The following SOBP variants were observed in gnomAD, a reference collection of about 807,000 sequenced individuals.
SOBP encodes sine oculis binding protein homolog.
SOBP carries 4 observed loss-of-function variants against 53.6 expected under a neutral mutation model. That is an observed-to-expected ratio of 0.07 (90% confidence interval 0.04 to 0.17). The LOEUF (loss-of-function observed/expected upper bound fraction) is 0.17, where lower values mean the gene tolerates loss of function less well. Among genes scored for constraint, SOBP ranks in the 10% least tolerant of loss-of-function variants. SOBP has a pLI of 1.00. For missense variants in SOBP, 1,088 were observed against 1,204.7 expected, an observed-to-expected ratio of 0.90 and a Z score of 1.43; for synonymous variants, 584 against 522.6, an observed-to-expected ratio of 1.12 and a Z score of -1.60.
chr6:107,598,402 G>A lies in SOBP; in HGVS notation c.669+11227G>A, dbSNP rs549419561. Among the ~76,000 whole-genome samples the A allele has an allele frequency of 6.6e-5, 10 of 152,284 alleles. 1 individual carries two copies. In the South Asian group the frequency reaches 8.3e-4, roughly 13 times the overall value. On this transcript the variant is annotated intron_variant, in intron 5 of 6. Transcript: ENST00000317357. ...GGTTGGGCTTGCCCTTGGAGGGTGC[G>A]TAGCGATGGAAGGGCATCCCAGAGA... is the stretch of plus-strand genomic sequence containing the variant.
At chr6:107,628,805 C>A (rs1399629416) in intron 5 of SOBP, among the ~76,000 whole-genome samples, 2 of 152,178 alleles carry the variant, frequency 1.3e-5, no homozygotes, top group East Asian at 3.8e-4. Context: ...AGTGTCTAGA[C>A]CCAAAGGAAC....
At chr6:107,551,992 G>C (rs966644134) in intron 4 of SOBP, among the ~76,000 whole-genome samples, 5 of 152,148 alleles carry the variant, frequency 3.3e-5, no homozygotes, top group Admixed American at 6.5e-5. Flanking sequence ...CTGCACTCCA[G>C]CCTGGGCATC....
intron 5 of SOBP, among the ~76,000 whole-genome samples, chr6:107,613,544 G>C (rs1291250686): frequency 1.3e-5 from 2 of 152,238 alleles, no homozygotes; most frequent in African/African-American, 4.8e-5. Flanking sequence ...TCTGTTTTCT[G>C]AGAATTATAG....
At chr6:107,604,871 C>T (rs1014322262) in intron 5 of SOBP, among the ~76,000 whole-genome samples, 1 of 152,282 alleles carries the variant, frequency 6.6e-6, no homozygotes, top group Admixed American at 6.5e-5. Context: ...CAGCAAGTTT[C>T]GCTGAAGATT....
intron 5 of SOBP, among the ~76,000 whole-genome samples, chr6:107,603,001 T>G (rs1168061989): frequency 6.6e-6 from 1 of 151,912 alleles, no homozygotes; most frequent in African/African-American, 2.4e-5. Flanking sequence ...TTCCATTATC[T>G]GTTTACTGAG....
At chr6:107,621,854 C>T (rs1770195392) in intron 5 of SOBP, among the ~76,000 whole-genome samples, 1 of 152,296 alleles carries the variant, frequency 6.6e-6, no homozygotes, top group Non-Finnish European at 1.5e-5. Flanking sequence ...CTCCACAAAC[C>T]ATTAGAAGCA....
intron 3 of SOBP, among the ~76,000 whole-genome samples, chr6:107,507,681 C>A (rs1783037725): frequency 6.6e-6 from 1 of 152,082 alleles, no homozygotes; most frequent in Admixed American, 6.6e-5. Flanking sequence ...CAAGACAATT[C>A]TTCTTCCAAT....
chr6:107,592,650 T>G (rs1320707362), intron 5 of SOBP, among the ~76,000 whole-genome samples: 1 of 152,184 alleles, frequency 6.6e-6, no homozygotes, highest in Non-Finnish European at 1.5e-5. Flanking sequence ...CAAAACATCA[T>G]ATGATGTATG....
At chr6:107,638,069 T>G (rs1203884943) in intron 6 of SOBP, among the ~76,000 whole-genome samples, 1 of 152,270 alleles carries the variant, frequency 6.6e-6, no homozygotes, top group East Asian at 1.9e-4. Context: ...TGATTTAAGA[T>G]GGGGGAAAAA....
intron 4 of SOBP, among the ~76,000 whole-genome samples, chr6:107,544,714 A>G (rs182843343): frequency 1.3e-5 from 2 of 152,340 alleles, no homozygotes; most frequent in Admixed American, 1.3e-4. Context: ...CATGTTCTTT[A>G]TGAAGGAATG....
At chr6:107,628,615 A>C (rs752063182) in intron 5 of SOBP, among the ~76,000 whole-genome samples, 1 of 152,200 alleles carries the variant, frequency 6.6e-6, no homozygotes. Context: ...GCACACAATC[A>C]TTAGACTGTT....
intron 5 of SOBP, among the ~76,000 whole-genome samples, chr6:107,610,834 C>T (rs1388361459): frequency 6.6e-6 from 1 of 151,782 alleles, no homozygotes; most frequent in Non-Finnish European, 1.5e-5. Flanking sequence ...ATACACACAC[C>T]ATGGACTTAA....
At chr6:107,656,313 A>AGAAAGAC (rs1562130986) in intron 6 of SOBP, among the ~76,000 whole-genome samples, 238 of 44,042 alleles carry the variant, frequency 5.4e-3, no homozygotes, top group African/African-American at 0.012. Context: ...GAAAGAAAGA[A>AGAAAGAC]AGAAAGAAAG....
intron 5 of SOBP, among the ~76,000 whole-genome samples, chr6:107,603,253 C>G (rs1239162341): frequency 2.0e-5 from 3 of 152,230 alleles, no homozygotes; most frequent in Admixed American, 2.0e-4. Context: ...TGGGCAAAGC[C>G]TGCCTCCCAG....
intron 1 of SOBP, among the ~76,000 whole-genome samples, chr6:107,502,204 A>T (rs965326237): frequency 3.9e-5 from 6 of 152,186 alleles, no homozygotes; most frequent in Non-Finnish European, 8.8e-5. Context: ...ACACGTTGAG[A>T]TTGTGCACAC....
intron 5 of SOBP, among the ~76,000 whole-genome samples, chr6:107,614,398 A>C (rs987255779): frequency 5.3e-5 from 8 of 152,284 alleles, no homozygotes; most frequent in African/African-American, 1.9e-4. Flanking sequence ...GGACAGTAGG[A>C]GTAACTGAAG....
intron 6 of SOBP, among the ~76,000 whole-genome samples, chr6:107,657,889 G>T (rs1424679658): frequency 6.6e-6 from 1 of 152,106 alleles, no homozygotes; most frequent in Non-Finnish European, 1.5e-5. Flanking sequence ...TCATGTGGAG[G>T]GGGAGGGTTG....
chr6:107,586,518 C>CTTTTTTTTTTTTTTTTTTTTTTTTTTTTT (rs5742433), intron 4 of SOBP, among the ~76,000 whole-genome samples: 1 of 145,864 alleles, frequency 6.9e-6, no homozygotes. Context: ...TAAATTAAAT[C>CTTTTTTTTTTTTTTTTTTTTTTTTTTTTT]TTTTTTTTTT....
chr6:107,568,021 G>A (rs1158741728), intron 4 of SOBP, among the ~76,000 whole-genome samples: 1 of 152,144 alleles, frequency 6.6e-6, no homozygotes, highest in Non-Finnish European at 1.5e-5. Flanking sequence ...AAGAACCTGG[G>A]ACTTTATCCA....
Sources: gnomAD v4.1 joint callset for allele counts (sites outside exome capture counted in the v4.1 genomes callset) on GRCh38, gnomAD v4.1.1 for gene constraint, MANE v1.5 for transcripts, NCBI Gene and HGNC (gene_info 2026-07-23, HGNC 2026-07-21) for gene names.